EFHC1: variants seen among roughly 807,000 people sequenced by gnomAD.
EFHC1 encodes the protein EF-hand domain-containing protein 1.
In EFHC1, 53 loss-of-function variants were observed where a neutral mutation model predicts 69.9. That is an observed-to-expected ratio of 0.76 (90% CI 0.61 to 0.95). The LOEUF is 0.95. Ranked by LOEUF, EFHC1 falls within the 40% of genes least tolerant of loss-of-function variation. The pLI, the probability that EFHC1 is intolerant of heterozygous loss-of-function variation, is 0.00. For missense variants in EFHC1, 739 were observed against 798.7 expected (o/e 0.93, Z 0.90); for synonymous variants, 256 against 278.4 (o/e 0.92, Z 0.80).
At position 52,464,880 on chromosome 6, in the gene EFHC1, A is replaced by T; in HGVS notation, c.917-15A>T. 1.2e-6 allele frequency: 2 copies of T among 1,608,362 alleles called. No individual in the cohort carries two copies. The highest frequency in any genetic ancestry group is 1.7e-6 in the Non-Finnish European group (2 of 1,174,752). On this transcript the variant is annotated splice_polypyrimidine_tract_variant and intron_variant, in intron 5 of 10. Coordinates refer to ENST00000371068, the MANE Select transcript of EFHC1 (RefSeq NM_018100.4). ...CATTCCTTCTTTTTTTCTCTCTAACACCATCTTATATTAGAGAACTTCCCT... is the reference window on the plus strand; with the variant it reads ...CATTCCTTCTTTTTTTCTCTCTAACTCCATCTTATATTAGAGAACTTCCCT...
intron 9 of EFHC1, among the ~76,000 whole-genome samples, chr6:52,484,988 A>G (rs1228118245): frequency 6.6e-6 from 1 of 152,168 alleles, no homozygotes; most frequent in African/African-American, 2.4e-5. Context: ...GCCAAATATA[A>G]TCCATATCAT....
chr6:52,488,786 GT>G (rs1765838278), intron 9 of EFHC1: 1 of 152,036 alleles, frequency 6.6e-6, no homozygotes, highest in South Asian at 2.1e-4. Context: ...ATAACACAAG[GT>G]AACACTCTAT....
chr6:52,462,174 G>A (rs189765352), intron 5 of EFHC1, among the ~76,000 whole-genome samples: 6 of 151,488 alleles, frequency 4.0e-5, no homozygotes, highest in African/African-American at 1.5e-4. Flanking sequence ...GAAAAAAACC[G>A]TGTATTTGGA....
At chr6:52,468,467 G>GT (rs940927029) in intron 6 of EFHC1, 16 of 152,278 alleles carry the variant, frequency 1.1e-4, no homozygotes, top group African/African-American at 3.9e-4. Flanking sequence ...AACAGGTAAA[G>GT]TTTGTTAAAA....
rs534902037 is a variant in EFHC1 at position 52,441,202 on chromosome 6, C to A, written c.573+2611C>A. Among the ~76,000 whole-genome samples the A allele has an allele frequency of 2.0e-5, 3 of 152,106 alleles. No homozygotes were observed. In the South Asian group the frequency reaches 6.2e-4, roughly 32 times the overall value. On this transcript the variant is annotated intron_variant, in intron 3 of 10. Transcript: ENST00000371068. ...GCTTTTGGTGTCTTTGTCATGAAAT[C>A]TTTGCCCATTCCTATGTTTAGAATA...
chr6:52,483,754 C>T (rs1444712005), intron 9 of EFHC1: 1 of 152,156 alleles, frequency 6.6e-6, no homozygotes, highest in Non-Finnish European at 1.5e-5. Flanking sequence ...CCTCCAGAGT[C>T]GAGCCCCACT....
chr6:52,453,831 T>C, intron 4 of EFHC1: 1 of 1,319,280 alleles, frequency 7.6e-7, no homozygotes. Context: ...TGACTAATAT[T>C]TTGGATCAAA....
chr6:52,482,008 T>G (rs1341639434), intron 9 of EFHC1: 1 of 152,144 alleles, frequency 6.6e-6, no homozygotes, highest in African/African-American at 2.4e-5. Context: ...ACAATTTTAA[T>G]AATCAAAGGG....
At position 52,423,951 on chromosome 6, in the gene EFHC1, A is replaced by T. The variant is rs746911392; in HGVS notation, c.69A>T (p.Thr23=). ...PGTSFKDSTK[T]AFHRSQTLSY... ...CACATTCTTTTCTTCTTCAGAAAAC[A>T]GCCTTCCACAGAAGTCAGACGCTGA... Residue 23 remains threonine (T), a synonymous_variant, in exon 2 of 11, where the codon ACA becomes ACT. Coordinates refer to ENST00000371068, the MANE Select transcript of EFHC1 (RefSeq NM_018100.4). 2 of 1,614,136 alleles carry T rather than the reference A, an allele frequency of 1.2e-6. No individual in the cohort carries two copies. The highest frequency in any genetic ancestry group is 1.7e-6 in the Non-Finnish European group (2 of 1,180,010).
At chr6:52,478,837 G>A (rs781511696) in intron 7 of EFHC1, among the ~76,000 whole-genome samples, 200 bp from the exon 8 acceptor site, 9 of 152,254 alleles carry the variant, frequency 5.9e-5, no homozygotes, top group Middle Eastern at 3.4e-3. Flanking sequence ...GAGTTGGTGC[G>A]GCCTCCCTTG....
intron 1 of EFHC1, 102 bp downstream of exon 1, chr6:52,420,575 T>C: frequency 7.1e-7 from 1 of 1,406,532 alleles, no homozygotes; most frequent in Non-Finnish European, 1.0e-6. Context: ...CAAGTCTGTC[T>C]TCTCTCCAAA....
At chr6:52,481,087 C>T (rs999828563) in intron 9 of EFHC1, among the ~76,000 whole-genome samples, 11 of 151,984 alleles carry the variant, frequency 7.2e-5, no homozygotes, top group African/African-American at 1.9e-4. Context: ...AGGCAAGAGA[C>T]GGTGATGTTT....
At chr6:52,479,372 A>C in intron 8 of EFHC1, 122 bp downstream of exon 8, 2 of 1,119,076 alleles carry the variant, frequency 1.8e-6, no homozygotes, top group Middle Eastern at 2.8e-4. Context: ...TAAAGCTACT[A>C]TCCTTGTATA....
intron 3 of EFHC1, among the ~76,000 whole-genome samples, chr6:52,443,021 A>C (rs973065487): frequency 2.1e-4 from 32 of 152,222 alleles, no homozygotes; most frequent in South Asian, 1.0e-3. Flanking sequence ...TTTGATTTGC[A>C]TTTCTCTGAT....
intron 5 of EFHC1, among the ~76,000 whole-genome samples, chr6:52,461,723 T>C (rs1765171770): frequency 6.6e-6 from 1 of 152,066 alleles, no homozygotes; most frequent in South Asian, 2.1e-4. Flanking sequence ...ATACTTAAGA[T>C]ATAGGCAAAT....
At chr6:52,491,764 C>G (rs1330828720) in intron 10 of EFHC1, among the ~76,000 whole-genome samples, 3 of 152,156 alleles carry the variant, frequency 2.0e-5, no homozygotes, top group Non-Finnish European at 4.4e-5. Context: ...CAAAGGCAAC[C>G]GCCCGAGCTG....
chr6:52,450,062 C>T (rs2113991201), intron 3 of EFHC1, among the ~76,000 whole-genome samples: 1 of 152,242 alleles, frequency 6.6e-6, no homozygotes, highest in Non-Finnish European at 1.5e-5. Flanking sequence ...TCATTATTTA[C>T]CCAAAAGTCA....
intron 2 of EFHC1, among the ~76,000 whole-genome samples, chr6:52,425,612 A>T (rs1764285586): frequency 6.6e-6 from 1 of 152,168 alleles, no homozygotes; most frequent in African/African-American, 2.4e-5. Context: ...TAGTGCACAT[A>T]AAAATATTAT....
At chr6:52,436,970 A>G (rs1764548111) in intron 2 of EFHC1, among the ~76,000 whole-genome samples, 1 of 152,186 alleles carries the variant, frequency 6.6e-6, no homozygotes, top group Admixed American at 6.5e-5. Flanking sequence ...TGTGTAATCT[A>G]TATATTGATA....
Sources: gnomAD v4.1 joint callset for allele counts (sites outside exome capture counted in the v4.1 genomes callset) on GRCh38, gnomAD v4.1.1 for gene constraint, MANE v1.5 for transcripts, NCBI Gene and HGNC (gene_info 2026-07-23, HGNC 2026-07-21) for gene names.